Variants in FDCSP observed in about 807,000 individuals in gnomAD.
The protein encoded by FDCSP is follicular dendritic cell secreted protein.
In FDCSP, 8 loss-of-function variants were observed where a neutral mutation model predicts 8.9. That is an observed-to-expected ratio of 0.90 (90% confidence interval 0.53 to 1.63). The LOEUF (loss-of-function observed/expected upper bound fraction) is 1.63, where lower values mean the gene tolerates loss of function less well. Ranked by LOEUF, FDCSP falls within the 40% of genes most tolerant of loss-of-function variation. The pLI, the probability that FDCSP is intolerant of heterozygous loss-of-function variation, is 0.00. For missense variants in FDCSP, 101 were observed against 103.6 expected, an observed-to-expected ratio of 0.98 and a Z score of 0.11; for synonymous variants, 34 against 34.5, an observed-to-expected ratio of 0.98 and a Z score of 0.06.
intron 2 of FDCSP, among the ~76,000 whole-genome samples, chr4:70,232,032 T>A (rs1205004689): frequency 6.6e-6 from 1 of 151,836 alleles, no homozygotes; most frequent in Admixed American, 6.6e-5. Flanking sequence ...AAAATGTGTT[T>A]GTTTTAAGCT....
At chr4:70,231,455 G>A (rs1730081431) in intron 2 of FDCSP, among the ~76,000 whole-genome samples, 1 of 151,628 alleles carries the variant, frequency 6.6e-6, no homozygotes, top group East Asian at 2.0e-4. Flanking sequence ...GACCAGCCTG[G>A]GCAACATAGC....
intron 1 of FDCSP, among the ~76,000 whole-genome samples, chr4:70,229,325 C>T (rs1481642979): frequency 6.6e-6 from 1 of 151,848 alleles, no homozygotes; most frequent in East Asian, 1.9e-4. Flanking sequence ...AATGTGCTGG[C>T]TGGTTTGATC....
At chr4:70,233,374 C>A (rs1437523732) in intron 3 of FDCSP, among the ~76,000 whole-genome samples, 1 of 151,610 alleles carries the variant, frequency 6.6e-6, no homozygotes, top group East Asian at 1.9e-4. Flanking sequence ...AAAAATGAAA[C>A]CTGAGCATTA....
chr4:70,228,286 A>T lies in FDCSP; in HGVS notation c.-1+2104A>T, dbSNP rs181575315. Among the ~76,000 whole-genome samples, 11 of 151,946 alleles carry T rather than the reference A, an allele frequency of 7.2e-5. No homozygotes were observed. The East Asian group carries it at 2.1e-3, about 29-fold the overall frequency. ...AAGAAACCACTTTCTTTGCTCATCC[A>T]TAAGAAGCCATTTTTCATTCATTCA... On this transcript the variant is annotated intron_variant, in intron 1 of 4. Coordinates refer to ENST00000317987, the MANE Select transcript of FDCSP (RefSeq NM_152997.4).
chr4:70,232,838 G>A (rs1263136837), intron 2 of FDCSP, among the ~76,000 whole-genome samples, 156 bp from the exon 3 acceptor site: 1 of 151,248 alleles, frequency 6.6e-6, no homozygotes, highest in Admixed American at 6.6e-5. Flanking sequence ...AGACTTTTTG[G>A]GAAAATCATT....
chr4:70,227,936 T>C (rs777481212), intron 1 of FDCSP, among the ~76,000 whole-genome samples: 3 of 151,790 alleles, frequency 2.0e-5, no homozygotes, highest in Non-Finnish European at 4.4e-5. Context: ...TGTAGGGTCT[T>C]GCCTTGATGT....
At chr4:70,229,511 A>T (rs941024667) in intron 1 of FDCSP, among the ~76,000 whole-genome samples, 2 of 151,788 alleles carry the variant, frequency 1.3e-5, no homozygotes, top group African/African-American at 4.8e-5. Flanking sequence ...TTGGCTTTTG[A>T]CATTCCTTCT....
At position 70,231,534 on chromosome 4, in the gene FDCSP, T is replaced by A. The variant is rs72653304; in HGVS notation, c.57+283T>A. On this transcript the variant is annotated intron_variant, in intron 2 of 4. Transcript: ENST00000317987. ...TGACATTGTGGCCATCATTATGTCA[T>A]AGGGCAATGCATTAGTCATGTGTTC... 4.5e-4 allele frequency among the ~76,000 whole-genome samples: 68 copies of A among 151,758 alleles called. 1 individual carries two copies. The highest frequency in any genetic ancestry group is 1.5e-3 in the Admixed American group (23 of 15,184).
intron 1 of FDCSP, among the ~76,000 whole-genome samples, chr4:70,230,479 G>A (rs1284941876): frequency 6.6e-6 from 1 of 151,612 alleles, no homozygotes; most frequent in African/African-American, 2.4e-5. Context: ...CATTTTAACA[G>A]TGTGTGTAAT....
At chr4:70,231,100 T>C (rs530300543) in intron 1 of FDCSP, 95 bp from the exon 2 acceptor site, 18 of 958,806 alleles carry the variant, frequency 1.9e-5, no homozygotes, top group South Asian at 6.9e-5. Flanking sequence ...GTACTTTAAC[T>C]GGATCTTTTA....
intron 1 of FDCSP, among the ~76,000 whole-genome samples, chr4:70,228,946 A>C (rs1730034757): frequency 6.6e-6 from 1 of 151,784 alleles, no homozygotes; most frequent in Admixed American, 6.6e-5. Context: ...TAAATGATAA[A>C]TGAGCATTGG....
chr4:70,234,672 T>C (rs777845267), intron 4 of FDCSP, among the ~76,000 whole-genome samples: 2 of 151,438 alleles, frequency 1.3e-5, no homozygotes, highest in Non-Finnish European at 3.0e-5. Context: ...TGTCACATTA[T>C]AGTAAAATTT....
rs549879975 is a variant in FDCSP, at chr4:70,227,854, TA to T, written c.-1+1676del. Among the ~76,000 whole-genome samples the T allele has an allele frequency of 5.9e-5, 9 of 151,916 alleles. No homozygotes were observed. In the South Asian group the frequency reaches 1.9e-3, roughly 31 times the overall value. On this transcript the variant is annotated intron_variant, in intron 1 of 4. Transcript: ENST00000317987. ...AGAAAAACAACATACATATCTTAAT[TA>T]AAACATACTTTATTGCTCAAAAATG...
intron 2 of FDCSP, among the ~76,000 whole-genome samples, chr4:70,231,875 G>A (rs772834473): frequency 6.6e-6 from 1 of 151,632 alleles, no homozygotes; most frequent in Non-Finnish European, 1.5e-5. Context: ...GAGGTGGAAA[G>A]CAGTGACATT....
chr4:70,229,637 T>A (rs1160853816), intron 1 of FDCSP, among the ~76,000 whole-genome samples: 4 of 151,630 alleles, frequency 2.6e-5, no homozygotes, highest in Non-Finnish European at 4.4e-5. Flanking sequence ...AATATTATCA[T>A]GTCTCAGGAA....
intron 1 of FDCSP, among the ~76,000 whole-genome samples, chr4:70,229,351 A>G (rs1414633914): frequency 6.6e-6 from 1 of 151,776 alleles, no homozygotes; most frequent in Non-Finnish European, 1.5e-5. Flanking sequence ...AGACAACTAA[A>G]AACTTTCTCC....
At chr4:70,228,205 T>C (rs894040442) in intron 1 of FDCSP, among the ~76,000 whole-genome samples, 3 of 151,844 alleles carry the variant, frequency 2.0e-5, no homozygotes, top group African/African-American at 7.2e-5. Flanking sequence ...TTTTAAATCA[T>C]TTACTGTCAT....
intron 4 of FDCSP, 43 bp downstream of exon 4, chr4:70,234,258 A>C: frequency 7.0e-7 from 1 of 1,425,148 alleles, no homozygotes; most frequent in Non-Finnish European, 9.4e-7. Flanking sequence ...TTAAGTTTGC[A>C]GATTGGAATC....
Position 70,234,032 on chromosome 4 carries a change from G to A in FDCSP, c.103G>A (p.Asp35Asn), listed in dbSNP as rs146455356. 9.4e-6 allele frequency: 15 copies of A among 1,603,528 alleles called. No homozygotes were observed. The African/African-American group carries it at 1.8e-4, about 19-fold the overall frequency. Residue 35 changes from aspartate to asparagine, a missense_variant, in exon 4 of 5, where the codon GAT (aspartate) becomes AAT (asparagine). Coordinates refer to ENST00000317987, the MANE Select transcript of FDCSP (RefSeq NM_152997.4). ...TTTCTTTCAACAGATCAGTGACAGC[G>A]ATGAATTAGCTTCAGGGTTTTTTGT... ...EREKRSISDSDELASGFFVFP... is the reference protein window; with the variant it reads ...EREKRSISDSNELASGFFVFP...
Sources: allele counts gnomAD v4.1 joint callset (sites outside exome capture counted in the v4.1 genomes callset), GRCh38; gene constraint gnomAD v4.1.1; transcripts MANE v1.5; gene names NCBI Gene and HGNC (gene_info 2026-07-23, HGNC 2026-07-21).